The following CYFIP1 variants were observed in gnomAD, a reference collection of about 807,000 sequenced individuals.
CYFIP1 encodes the protein cytoplasmic FMR1-interacting protein 1.
CYFIP1 carries 58 observed loss-of-function variants against 163.5 expected under a neutral mutation model. The observed-to-expected ratio is 0.35, with a 90% CI of 0.29 to 0.44. The LOEUF (loss-of-function observed/expected upper bound fraction) is 0.44, where lower values mean the gene tolerates loss of function less well. Among genes scored for constraint, CYFIP1 ranks in the 20% least tolerant of loss-of-function variants. The pLI is 1.00. For missense variants in CYFIP1, 1,338 were observed against 1,653.8 expected (o/e 0.81, Z 3.31); for synonymous variants, 663 against 660.7 (o/e 1.00, Z -0.05).
In CYFIP1 at chr15:22,874,417, C is replaced by G. The variant is rs1038155688; in HGVS notation, c.3210+133G>C. 8.3e-6 allele frequency: 5 copies of G among 601,520 alleles called. No individual in the cohort carries two copies. In the African/African-American group the frequency reaches 9.6e-5, roughly 12 times the overall value. The allele number at this position is 601,520 out of a possible 1,614,324, so 37.3% of individuals were successfully genotyped here. ...GCAGTCCTGGTGCACACCCCACTTGCAACACTTGAGGCCTGAGCAGCCACG... is the reference window on the plus strand; with the variant it reads ...GCAGTCCTGGTGCACACCCCACTTGGAACACTTGAGGCCTGAGCAGCCACG... On this transcript the variant is annotated intron_variant, in intron 28 of 30. Transcript: ENST00000617928.
rs968073664 is a variant in CYFIP1, at chr15:22,868,772, G to A, written c.*1256C>T. The A allele has an allele frequency of 2.0e-5, 3 of 152,088 alleles. No individual in the cohort carries two copies. Among genetic ancestry groups the A allele is most frequent in the Non-Finnish European group, 2.9e-5 (2 of 68,014 alleles). 9.4% of individuals were successfully genotyped at this position (152,088 alleles called of 1,614,324 possible). On this transcript the variant is annotated 3_prime_UTR_variant, in exon 31 of 31. Coordinates refer to ENST00000617928, the MANE Select transcript of CYFIP1 (RefSeq NM_014608.6). The stretch of plus-strand genomic sequence containing the variant: ...CGAGGCCTGCTTTTTATGGCAACTT[G>A]GCATCCATAGAAAATTTTAAAATTG...
At chr15:22,882,010 C>T (rs1327238430) in intron 24 of CYFIP1, 74 bp from the exon 25 acceptor site, 10 of 1,322,478 alleles carry the variant, frequency 7.6e-6, no homozygotes, top group Non-Finnish European at 8.5e-6. Flanking sequence ...GGCGCATACC[C>T]TGAAACAAGT....
chr15:22,977,888 G>A (rs1265190058), intron 1 of CYFIP1, among the ~76,000 whole-genome samples: 7 of 151,604 alleles, frequency 4.6e-5, no homozygotes, highest in Admixed American at 2.0e-4. Flanking sequence ...AGGAGGGAGG[G>A]AGATGTTAGC....
chr15:22,972,266 T>C (rs2063126584), intron 1 of CYFIP1, among the ~76,000 whole-genome samples: 4 of 151,988 alleles, frequency 2.6e-5, no homozygotes, highest in Admixed American at 2.0e-4. Context: ...TGAAACACCG[T>C]CTCTGCTAAA....
At chr15:22,915,813 G>C (rs1250296717) in intron 16 of CYFIP1, among the ~76,000 whole-genome samples, 2 of 152,052 alleles carry the variant, frequency 1.3e-5, no homozygotes, top group Non-Finnish European at 2.9e-5. Flanking sequence ...CCAATGTCCA[G>C]GCTGCAGCAT....
intron 1 of CYFIP1, among the ~76,000 whole-genome samples, chr15:22,952,403 C>G (rs558259967): frequency 6.6e-6 from 1 of 152,120 alleles, no homozygotes; most frequent in African/African-American, 2.4e-5. Flanking sequence ...AGCCTATAAT[C>G]CTGGCACTTC....
At chr15:22,891,411 T>C (rs940774093) in intron 23 of CYFIP1, among the ~76,000 whole-genome samples, 1 of 152,166 alleles carries the variant, frequency 6.6e-6, no homozygotes, top group African/African-American at 2.4e-5. Context: ...GGCGACAAAG[T>C]GAGACTCCAT....
At chr15:22,910,166 C>CT (rs958814038) in intron 20 of CYFIP1, among the ~76,000 whole-genome samples, 4 of 148,622 alleles carry the variant, frequency 2.7e-5, no homozygotes, top group East Asian at 2.0e-4. Flanking sequence ...TTTTTTTTTT[C>CT]TTTTTTTTGA....
chr15:22,932,697 C>CA (rs1167051412), intron 10 of CYFIP1, among the ~76,000 whole-genome samples: 2 of 152,168 alleles, frequency 1.3e-5, no homozygotes, highest in Non-Finnish European at 2.9e-5. Context: ...GTAGAGTCTG[C>CA]AGTGGGGAGG....
chr15:22,892,413 C>T (rs1257993717), intron 23 of CYFIP1, among the ~76,000 whole-genome samples: 10 of 152,204 alleles, frequency 6.6e-5, no homozygotes, highest in Admixed American at 5.9e-4. Context: ...CCTCCAGGCA[C>T]AGGCGGACAT....
chr15:22,944,981 C>G (rs775820963), intron 3 of CYFIP1, 42 bp from the exon 4 acceptor site: 20 of 1,572,156 alleles, frequency 1.3e-5, no homozygotes, highest in Admixed American at 3.3e-5. Flanking sequence ...GGCGGGGGAA[C>G]TAGCATGAAA....
intron 30 of CYFIP1, among the ~76,000 whole-genome samples, chr15:22,872,457 TC>T (rs1361926731): frequency 3.9e-5 from 6 of 152,096 alleles, no homozygotes; most frequent in Non-Finnish European, 8.8e-5. Context: ...CTGAGTATTT[TC>T]CAGAATTCAA....
intron 1 of CYFIP1, among the ~76,000 whole-genome samples, chr15:22,959,072 G>C (rs1352518634): frequency 6.6e-6 from 1 of 152,124 alleles, no homozygotes; most frequent in Non-Finnish European, 1.5e-5. Context: ...ATGCACCTCA[G>C]CCCAGGGCTG....
chr15:22,949,189 A>G (rs1477652769), intron 1 of CYFIP1, among the ~76,000 whole-genome samples: 1 of 152,252 alleles, frequency 6.6e-6, no homozygotes, highest in African/African-American at 2.4e-5. Flanking sequence ...GACGCTCAGC[A>G]GAGCACAGAG....
chr15:22,903,149 T>G (rs1231590433), intron 22 of CYFIP1, among the ~76,000 whole-genome samples: 5 of 152,122 alleles, frequency 3.3e-5, no homozygotes, highest in Non-Finnish European at 7.4e-5. Flanking sequence ...TGGGAAGGCA[T>G]GGTGGGTGAC....
chr15:22,960,936 A>G (rs1005231578), intron 1 of CYFIP1, among the ~76,000 whole-genome samples: 2 of 152,190 alleles, frequency 1.3e-5, no homozygotes, highest in Admixed American at 1.3e-4. Context: ...GCGCTTCCCA[A>G]CAGAATCCAG....
In CYFIP1 at chr15:22,959,306, G is replaced by A. The variant is rs576658508; in HGVS notation, c.-6-12015C>T. On this transcript the variant is annotated intron_variant, in intron 1 of 30. Coordinates refer to ENST00000617928, the MANE Select transcript of CYFIP1 (RefSeq NM_014608.6). ...GCATGTTTAAAAGGCACAAAGGGAA[G>A]AAGACAGCGTTTCCCGCTCCACCTA... Among the ~76,000 whole-genome samples, 4 of 152,364 alleles carry A rather than the reference G, an allele frequency of 2.6e-5. No individual in the cohort carries two copies. In the East Asian group the frequency reaches 7.7e-4, roughly 29 times the overall value.
intron 9 of CYFIP1, among the ~76,000 whole-genome samples, chr15:22,935,626 C>G (rs1337616643): frequency 6.6e-6 from 1 of 151,930 alleles, no homozygotes; most frequent in Non-Finnish European, 1.5e-5. Context: ...CTACTGGAGG[C>G]AGGAGGAGGA....
rs374782722 is a variant in CYFIP1, at chr15:22,916,914, G to A, written c.1675-284C>T. 92 of 1,551,608 alleles carry A rather than the reference G, an allele frequency of 5.9e-5. No individual in the cohort carries two copies. The African/African-American group carries it at 7.0e-4, about 12-fold the overall frequency. ...GGTTAAAAGGGGTAGGTAGGTGCAC[G>A]ACTGCCTCAGAAACGTGTTAACCGC... On this transcript the variant is annotated intron_variant, in intron 15 of 30. Transcript: ENST00000617928.
Sources: allele counts gnomAD v4.1 joint callset (sites outside exome capture counted in the v4.1 genomes callset), GRCh38; gene constraint gnomAD v4.1.1; transcripts MANE v1.5; gene names NCBI Gene and HGNC (gene_info 2026-07-23, HGNC 2026-07-21).